The following PCDH11Y variants were observed in gnomAD, a reference collection of about 807,000 sequenced individuals.
The protein encoded by PCDH11Y is protocadherin-11 Y-linked.
For synonymous variants in PCDH11Y, 9 were observed against 83.6 expected, an observed-to-expected ratio of 0.11 and a Z score of 4.87; for missense variants, 12 against 224.8, an observed-to-expected ratio of 0.05 and a Z score of 6.05.
intron 2 of PCDH11Y, among the ~76,000 whole-genome samples, chrY:5,121,816 A>C (rs1253756630): frequency 0.11 from 3,622 of 33,326 alleles, no homozygotes; most frequent in Non-Finnish European, 0.18. Flanking sequence ...GCTGATATGA[A>C]ATCAATGACT....
intron 2 of PCDH11Y, among the ~76,000 whole-genome samples, chrY:5,134,489 C>T (rs2052836964): frequency 6.1e-5 from 2 of 32,734 alleles, no homozygotes; most frequent in African/African-American, 2.4e-4. Flanking sequence ...CTGTCATATA[C>T]AATTTTTATT....
intron 2 of PCDH11Y, among the ~76,000 whole-genome samples, chrY:5,358,661 G>A (rs2053170821): frequency 3.1e-5 from 1 of 32,344 alleles, no homozygotes; most frequent in Non-Finnish European, 7.5e-5. Context: ...AGCGTTTCAC[G>A]GAATGCACAA....
intron 2 of PCDH11Y, among the ~76,000 whole-genome samples, chrY:5,447,891 A>T: frequency 3.2e-5 from 1 of 31,564 alleles, no homozygotes; most frequent in Non-Finnish European, 7.7e-5. Context: ...ATCATCTATG[A>T]TATTTTTGGA....
chrY:5,692,491 G>C (rs2124710941), intron 4 of PCDH11Y, among the ~76,000 whole-genome samples: 7 of 33,389 alleles, frequency 2.1e-4, no homozygotes, highest in African/African-American at 8.1e-4. Context: ...AAGGGAATTG[G>C]TTTTGGAGGA....
chrY:5,053,395 T>C (rs2124627361), upstream of PCDH11Y, among the ~76,000 whole-genome samples: 8 of 30,661 alleles, frequency 2.6e-4, no homozygotes, highest in East Asian at 6.8e-3. Context: ...TTAGAAATGG[T>C]ATTTTTTCTC....
At chrY:5,213,712 C>T in intron 2 of PCDH11Y, among the ~76,000 whole-genome samples, 1 of 31,925 alleles carries the variant, frequency 3.1e-5, no homozygotes, top group Non-Finnish European at 7.6e-5. Flanking sequence ...TACTAGAAGG[C>T]CTCAAGAAAG....
chrY:5,664,111 G>A (rs2053542896), intron 4 of PCDH11Y, among the ~76,000 whole-genome samples: 1 of 32,828 alleles, frequency 3.0e-5, no homozygotes, highest in Admixed American at 2.8e-4. Context: ...TGGTACAGAC[G>A]ACTACAATTG....
At chrY:5,728,839 T>A in intron 4 of PCDH11Y, among the ~76,000 whole-genome samples, 1 of 32,638 alleles carries the variant, frequency 3.1e-5, no homozygotes. Flanking sequence ...GAGTACCCAA[T>A]GTTTAGCTTC....
chrY:5,647,434 C>T (rs2053528122), intron 4 of PCDH11Y, among the ~76,000 whole-genome samples: 3 of 33,941 alleles, frequency 8.8e-5, no homozygotes, highest in Admixed American at 7.9e-4. Flanking sequence ...ATTATATGCA[C>T]ACACACATAT....
chrY:5,048,534 C>G, intron 3 of PCDH11Y, among the ~76,000 whole-genome samples: 1 of 33,284 alleles, frequency 3.0e-5, no homozygotes, highest in Admixed American at 2.7e-4. Context: ...TAAAAGTATT[C>G]TCTTTTCTCT....
intron 3 of PCDH11Y, among the ~76,000 whole-genome samples, chrY:5,046,341 T>C: frequency 9.0e-5 from 3 of 33,481 alleles, no homozygotes; most frequent in Non-Finnish European, 7.4e-5. Context: ...GACAGGACCC[T>C]CAGCTGCAGA....
At chrY:5,441,782 A>T in intron 2 of PCDH11Y, among the ~76,000 whole-genome samples, 1 of 33,653 alleles carries the variant, frequency 3.0e-5, no homozygotes, top group Non-Finnish European at 7.4e-5. Flanking sequence ...AGAGATCTCT[A>T]ACTGTCCATA....
intron 2 of PCDH11Y, among the ~76,000 whole-genome samples, chrY:5,323,187 C>CT (rs1367712513): frequency 3.7e-3 from 50 of 13,593 alleles, no homozygotes; most frequent in African/African-American, 7.1e-3. Context: ...TCCAAATGCT[C>CT]TTTTTTTTTT....
At chrY:5,136,445 C>T (rs2052840943) in intron 2 of PCDH11Y, among the ~76,000 whole-genome samples, 1 of 32,747 alleles carries the variant, frequency 3.1e-5, no homozygotes, top group Non-Finnish European at 7.5e-5. Flanking sequence ...AAGATCACAC[C>T]AGATCCCCAC....
intron 2 of PCDH11Y, among the ~76,000 whole-genome samples, chrY:5,231,939 C>T: frequency 3.0e-5 from 1 of 32,952 alleles, no homozygotes; most frequent in South Asian, 6.8e-4. Context: ...CACCTCAGGC[C>T]ATGACGTATA....
At chrY:5,192,611 C>A in intron 2 of PCDH11Y, among the ~76,000 whole-genome samples, 1 of 32,497 alleles carries the variant, frequency 3.1e-5, no homozygotes, top group Non-Finnish European at 7.5e-5. Flanking sequence ...AGAGATTTAG[C>A]CTTTTCACCC....
chrY:5,653,640 G>T (rs1602956534), intron 4 of PCDH11Y, among the ~76,000 whole-genome samples: 1 of 33,377 alleles, frequency 3.0e-5, no homozygotes. Flanking sequence ...CGTTTGATTG[G>T]TATACCTGAA....
chrY:5,026,921 A>G, intron 1 of PCDH11Y, among the ~76,000 whole-genome samples: 1 of 32,700 alleles, frequency 3.1e-5, no homozygotes. Context: ...CATATTCACA[A>G]TAGTGTTTAT....
chrY:5,681,717 T>C (rs2053558594), intron 4 of PCDH11Y, among the ~76,000 whole-genome samples: 2 of 31,029 alleles, frequency 6.4e-5, no homozygotes, highest in Non-Finnish European at 1.5e-4. Flanking sequence ...CTTTTTTTTT[T>C]CTCTGTGATA....
Sources: gnomAD v4.1 joint callset for allele counts (sites outside exome capture counted in the v4.1 genomes callset) on GRCh38, gnomAD v4.1.1 for gene constraint, MANE v1.5 for transcripts, NCBI Gene and HGNC (gene_info 2026-07-23, HGNC 2026-07-21) for gene names.